NTM: variants seen among roughly 807,000 people sequenced by gnomAD.
NTM encodes the protein IgLON family member 2.
NTM carries 13 observed loss-of-function variants against 42.1 expected under a neutral mutation model. The ratio of observed to expected loss-of-function variants is 0.31; its 90% confidence interval spans 0.20 to 0.49. NTM has a LOEUF of 0.49. Among genes scored for constraint, NTM ranks in the 20% least tolerant of loss-of-function variants. NTM has a pLI of 0.99. For missense variants in NTM, 373 were observed against 452.8 expected, an observed-to-expected ratio of 0.82 and a Z score of 1.60; for synonymous variants, 187 against 179.2, an observed-to-expected ratio of 1.04 and a Z score of -0.35.
intron 2 of NTM, among the ~76,000 whole-genome samples, chr11:131,967,763 G>T (rs1392393679): frequency 2.0e-5 from 3 of 152,132 alleles, no homozygotes; most frequent in East Asian, 1.9e-4. Flanking sequence ...CTTCCTGGGG[G>T]CATAGCTGAC....
chr11:131,575,032 TCTC>T (rs572080012), intron 1 of NTM, among the ~76,000 whole-genome samples: 5 of 152,084 alleles, frequency 3.3e-5, no homozygotes, highest in Non-Finnish European at 7.4e-5. Context: ...AGTGCAATAA[TCTC>T]CTATTCAGCA....
chr11:131,771,099 A>G (rs2086008367), intron 1 of NTM: 1 of 152,186 alleles, frequency 6.6e-6, no homozygotes, highest in Non-Finnish European at 1.5e-5. Flanking sequence ...TGCAAACACC[A>G]CAACCGTAAA....
chr11:131,647,829 T>G (rs950293381), intron 1 of NTM, among the ~76,000 whole-genome samples: 1 of 152,208 alleles, frequency 6.6e-6, no homozygotes, highest in African/African-American at 2.4e-5. Flanking sequence ...TATGTTTTAT[T>G]TAACTATCCA....
intron 1 of NTM, among the ~76,000 whole-genome samples, chr11:131,899,401 A>T (rs1293933784): frequency 6.6e-6 from 1 of 152,214 alleles, no homozygotes; most frequent in African/African-American, 2.4e-5. Flanking sequence ...CCAAGTGTAC[A>T]TAAACCTTCT....
chr11:132,169,479 G>A (rs753274807), intron 3 of NTM, among the ~76,000 whole-genome samples: 4 of 151,234 alleles, frequency 2.6e-5, no homozygotes, highest in Non-Finnish European at 5.9e-5. Context: ...GGGACTACAG[G>A]TGCCCACCTC....
chr11:131,531,687 TAGG>T (rs1412712754), intron 1 of NTM, among the ~76,000 whole-genome samples: 1 of 152,166 alleles, frequency 6.6e-6, no homozygotes, highest in Non-Finnish European at 1.5e-5. Context: ...TACTATGAGT[TAGG>T]AGTGTTACTC....
At chr11:131,826,101 G>A (rs1565600069) in intron 1 of NTM, among the ~76,000 whole-genome samples, 1 of 152,082 alleles carries the variant, frequency 6.6e-6, no homozygotes, top group Non-Finnish European at 1.5e-5. Flanking sequence ...GATAATGAAG[G>A]AAGATGCCTA....
chr11:131,460,281 T>C (rs929705912), intron 1 of NTM, among the ~76,000 whole-genome samples: 2 of 151,556 alleles, frequency 1.3e-5, no homozygotes, highest in Non-Finnish European at 2.9e-5. Context: ...ATTTCAAATA[T>C]TTTGAAATCT....
chr11:131,402,993 G>A (rs1351905281), intron 1 of NTM, among the ~76,000 whole-genome samples: 1 of 152,188 alleles, frequency 6.6e-6, no homozygotes, highest in Non-Finnish European at 1.5e-5. Flanking sequence ...ATTAGGCTTT[G>A]GGGACTGAAG....
At chr11:131,933,169 T>C (rs2058823425) in intron 2 of NTM, among the ~76,000 whole-genome samples, 3 of 152,190 alleles carry the variant, frequency 2.0e-5, no homozygotes, top group Non-Finnish European at 4.4e-5. Context: ...GCAGTGACGC[T>C]GTTTCTCCTG....
chr11:131,642,509 C>G (rs2065262039), intron 1 of NTM, among the ~76,000 whole-genome samples: 2 of 152,188 alleles, frequency 1.3e-5, no homozygotes, highest in South Asian at 4.1e-4. Flanking sequence ...CTGCTCACAT[C>G]CCTGGAGCCC....
At position 132,046,800 on chromosome 11, in the gene NTM, A is replaced by G. The variant is rs1055484685; in HGVS notation, c.168-99482A>G. ...TCACAGCTGAGCACTGGCTTTATCT[A>G]TCTATCTGTCTGTCTATCTATCTAA... On this transcript the variant is annotated intron_variant, in intron 2 of 8. Transcript: ENST00000683400. Among the ~76,000 whole-genome samples, 20 of 152,296 alleles carry G rather than the reference A, an allele frequency of 1.3e-4. 1 individual carries two copies. The highest frequency in any genetic ancestry group is 1.0e-3 in the Admixed American group (16 of 15,304).
chr11:131,807,259 G>C (rs1307600260), intron 1 of NTM, among the ~76,000 whole-genome samples: 1 of 152,236 alleles, frequency 6.6e-6, no homozygotes. Flanking sequence ...TTATTTGATA[G>C]GGAATGGGAG....
rs771349333 is a variant in NTM at position 132,314,577 on chromosome 11, A to C, written c.808A>C (p.Lys270Gln). ...ACTGATTGAAGGAAAGAAAGGGGTG[A>C]AAGTGGAAAACAGACCTTTCCTCTC... Reference protein sequence around the residue: ...KRLIEGKKGVKVENRPFLSKL... With the variant: ...KRLIEGKKGVQVENRPFLSKL... The change falls in exon 7 of 9, where the codon AAA (lysine) becomes CAA (glutamine). Residue 270 changes from lysine (K) to glutamine (Q), a missense_variant. Coordinates refer to ENST00000683400, the MANE Select transcript of NTM (RefSeq NM_001352005.2). 1 of 1,613,276 alleles carries C rather than the reference A, an allele frequency of 6.2e-7. No individual in the cohort carries two copies. Among genetic ancestry groups the C allele is most frequent in the South Asian group, 1.1e-5 (1 of 90,810 alleles).
intron 1 of NTM, among the ~76,000 whole-genome samples, chr11:131,769,829 A>G (rs984712504): frequency 6.6e-6 from 1 of 152,222 alleles, no homozygotes; most frequent in African/African-American, 2.4e-5. Flanking sequence ...GCATATTCCA[A>G]ACCAATGGAG....
chr11:131,510,578 A>AT (rs1247756521), intron 1 of NTM, among the ~76,000 whole-genome samples: 2 of 152,166 alleles, frequency 1.3e-5, no homozygotes, highest in African/African-American at 2.4e-5. Context: ...TTCAGCCTTA[A>AT]TTTTTTAAAA....
At chr11:132,100,935 G>A (rs1334765588) in intron 2 of NTM, among the ~76,000 whole-genome samples, 1 of 152,206 alleles carries the variant, frequency 6.6e-6, no homozygotes, top group Non-Finnish European at 1.5e-5. Context: ...AGTTATCAAA[G>A]CATTTGCAGT....
intron 1 of NTM, among the ~76,000 whole-genome samples, chr11:131,559,426 C>G (rs1435790367): frequency 1.3e-5 from 2 of 152,202 alleles, no homozygotes; most frequent in Non-Finnish European, 2.9e-5. Context: ...TGCTTCTCCA[C>G]TCCTTTTTTC....
intron 1 of NTM, among the ~76,000 whole-genome samples, chr11:131,434,137 T>G (rs1374677855): frequency 6.6e-6 from 1 of 152,226 alleles, no homozygotes; most frequent in African/African-American, 2.4e-5. Flanking sequence ...TCATCCTTTT[T>G]ATGGCTGCAT....
Sources: allele counts gnomAD v4.1 joint callset (sites outside exome capture counted in the v4.1 genomes callset), GRCh38; gene constraint gnomAD v4.1.1; transcripts MANE v1.5; gene names NCBI Gene and HGNC (gene_info 2026-07-23, HGNC 2026-07-21).